PDK1: variants seen among roughly 807,000 people sequenced by gnomAD.
PDK1 encodes pyruvate dehydrogenase kinase 1.
PDK1 carries 39 observed loss-of-function variants against 54.2 expected under a neutral mutation model. The observed-to-expected ratio is 0.72, with a 90% CI of 0.56 to 0.94. The LOEUF (loss-of-function observed/expected upper bound fraction) is 0.94. Among genes scored for constraint, PDK1 ranks in the 40% least tolerant of loss-of-function variants. The pLI is 0.00. For synonymous variants in PDK1, 221 were observed against 207.1 expected (o/e 1.07, Z -0.58); for missense variants, 552 against 566.0 (o/e 0.98, Z 0.25).
chr2:172,556,049 C>G, upstream of PDK1: 5 of 894,200 alleles, frequency 5.6e-6, no homozygotes, highest in Non-Finnish European at 7.6e-6. Flanking sequence ...CCGGTGACAG[C>G]CGATCCCCGC....
chr2:172,589,471 G>A (rs75188224), intron 9 of PDK1, among the ~76,000 whole-genome samples: 6,121 of 152,240 alleles, frequency 0.04, 410 homozygotes, highest in African/African-American at 0.14. Context: ...CCTGCCCAAG[G>A]CAACCTCAGG....
the PDK1 span, among the ~76,000 whole-genome samples, chr2:172,619,400 G>C: frequency 6.6e-6 from 1 of 152,110 alleles, no homozygotes; most frequent in East Asian, 1.9e-4. Flanking sequence ...TGGAGCTGAA[G>C]GGAAGCAGAG....
the PDK1 span, among the ~76,000 whole-genome samples, chr2:172,623,939 G>C: frequency 2.5e-3 from 374 of 152,280 alleles, 1 homozygote; most frequent in Non-Finnish European, 4.4e-3. Flanking sequence ...TTTGATGGGA[G>C]ATTAAAACTT....
At chr2:172,630,834 T>G in the PDK1 span, among the ~76,000 whole-genome samples, 3 of 152,192 alleles carry the variant, frequency 2.0e-5, no homozygotes, top group African/African-American at 4.8e-5. Context: ...TTTGCCATGT[T>G]GGCCAGGCTG....
intron 8 of PDK1, among the ~76,000 whole-genome samples, chr2:172,577,731 C>A (rs1189887287): frequency 6.6e-6 from 1 of 152,126 alleles, no homozygotes; most frequent in Non-Finnish European, 1.5e-5. Flanking sequence ...CCCCTCCCCA[C>A]CCATCCTTTG....
At position 172,600,898 on chromosome 2, in the gene PDK1, T is replaced by TG. The variant is rs910822890; in HGVS notation, c.*4930dup. 3 of 152,176 alleles carry TG rather than the reference T, an allele frequency of 2.0e-5. No homozygotes were observed. Among genetic ancestry groups the TG allele is most frequent in the Non-Finnish European group, 4.4e-5 (3 of 68,042 alleles). 9.4% of individuals were successfully genotyped at this position (152,176 alleles called of 1,614,324 possible). A position where few individuals can be genotyped will look rare whatever the true frequency, so the allele number is the denominator to read the frequency against. ...TTTCTCTGTCTGTTCCCATACATCT[T>TG]GCAGCTGCAGGCATCCCCCCGGTCT... On this transcript the variant is annotated 3_prime_UTR_variant, in exon 11 of 11. Transcript: ENST00000282077.
chr2:172,681,459 T>A, the PDK1 span, among the ~76,000 whole-genome samples: 7 of 152,354 alleles, frequency 4.6e-5, no homozygotes, highest in East Asian at 1.3e-3. Context: ...TTCCTAACCA[T>A]GAGATAGAAA....
At position 172,599,742 on chromosome 2, in the gene PDK1, C is replaced by T. The variant is rs1691049968; in HGVS notation, c.*3773C>T. 2 of 152,122 alleles carry T rather than the reference C, an allele frequency of 1.3e-5. No individual in the cohort carries two copies. Among genetic ancestry groups the T allele is most frequent in the South Asian group, 4.1e-4 (2 of 4,834 alleles). 9.4% of individuals were successfully genotyped at this position (152,122 alleles called of 1,614,324 possible). ...AAAAGAATTGAACATATGTACCACC[C>T]CCCTCTTTCTAGAGTCTCCACAGTT... On this transcript the variant is annotated 3_prime_UTR_variant, in exon 11 of 11. Transcript: ENST00000282077.
chr2:172,685,042 T>A, the PDK1 span, among the ~76,000 whole-genome samples: 3 of 152,176 alleles, frequency 2.0e-5, no homozygotes, highest in Non-Finnish European at 4.4e-5. Context: ...CTTCTCTCTC[T>A]CCTGCCACAT....
At chr2:172,589,298 A>C (rs980972067) in intron 9 of PDK1, among the ~76,000 whole-genome samples, 1 of 152,234 alleles carries the variant, frequency 6.6e-6, no homozygotes, top group Non-Finnish European at 1.5e-5. Flanking sequence ...TTTTACAAAG[A>C]AACTAATTAC....
chr2:172,566,745 T>G (rs1030154890), intron 5 of PDK1, 111 bp from the exon 6 acceptor site: 25 of 560,544 alleles, frequency 4.5e-5, no homozygotes, highest in Non-Finnish European at 7.1e-5. Context: ...AAGTATATTT[T>G]CTTCTGTAGA....
At chr2:172,568,646 G>A in intron 6 of PDK1, 95 bp from the exon 7 acceptor site, 1 of 783,146 alleles carries the variant, frequency 1.3e-6, no homozygotes, top group Non-Finnish European at 2.3e-6. Context: ...GTCCTCCGTA[G>A]TTAATGTTTT....
At chr2:172,673,725 T>G in the PDK1 span, among the ~76,000 whole-genome samples, 1 of 152,194 alleles carries the variant, frequency 6.6e-6, no homozygotes, top group Non-Finnish European at 1.5e-5. Context: ...GACATATTGA[T>G]AAAAGGCCAA....
At chr2:172,580,156 G>C (rs1015000463) in intron 8 of PDK1, among the ~76,000 whole-genome samples, 3 of 148,262 alleles carry the variant, frequency 2.0e-5, no homozygotes, top group Admixed American at 6.7e-5. Context: ...TCTCTCGTTT[G>C]TTCATTTTAA....
Position 172,562,284 on chromosome 2 carries a change from A to C in PDK1, c.403A>C (p.Ile135Leu), listed in dbSNP as rs1688694484. 1 of 1,583,702 alleles carries C rather than the reference A, an allele frequency of 6.3e-7. No individual in the cohort carries two copies. The highest frequency in any genetic ancestry group is 8.7e-7 in the Non-Finnish European group (1 of 1,152,748). The change falls in exon 3 of 11, where the codon ATT becomes CTT. Residue 135 changes from isoleucine to leucine, a missense_variant. Coordinates refer to ENST00000282077, the MANE Select transcript of PDK1 (RefSeq NM_002610.5). ...KDKSAEDAKA[I>L]YDFTDTVIRI... ...CAAAAGTGCTGAGGATGCTAAAGCT[A>C]TTTATGAGTAAGTTCACTATTTTGA...
chr2:172,619,436 T>C, the PDK1 span, among the ~76,000 whole-genome samples: 2 of 151,574 alleles, frequency 1.3e-5, no homozygotes, highest in African/African-American at 4.9e-5. Flanking sequence ...ACACTGCCCG[T>C]AACTCATTTT....
chr2:172,693,307 A>G, the PDK1 span, among the ~76,000 whole-genome samples: 14 of 152,380 alleles, frequency 9.2e-5, no homozygotes, highest in South Asian at 2.9e-3. Context: ...AGCTCCGTGC[A>G]GAAAAGTCCA....
Position 172,602,683 on chromosome 2 carries a change from G to A in PDK1, c.*6714G>A, listed in dbSNP as rs1442765668. ...CTTTCTAACTCTGACCTAATATTTT[G>A]GAGCATAGAGGAAAGAAACATCTTA... On this transcript the variant is annotated 3_prime_UTR_variant, in exon 11 of 11. Transcript: ENST00000282077. 1 of 152,172 alleles carries A rather than the reference G, an allele frequency of 6.6e-6. No individual in the cohort carries two copies. Among genetic ancestry groups the A allele is most frequent in the Non-Finnish European group, 1.5e-5 (1 of 68,036 alleles). The allele number at this position is 152,172 out of a possible 1,614,324, so 9.4% of individuals were successfully genotyped here. A position where few individuals can be genotyped will look rare whatever the true frequency, so the allele number is the denominator to read the frequency against.
At chr2:172,702,039 T>A in the PDK1 span, among the ~76,000 whole-genome samples, 4 of 152,198 alleles carry the variant, frequency 2.6e-5, no homozygotes, top group African/African-American at 9.7e-5. Flanking sequence ...GATTTACATG[T>A]GCTTAAGGTC....
Sources: allele counts gnomAD v4.1 joint callset (sites outside exome capture counted in the v4.1 genomes callset), GRCh38; gene constraint gnomAD v4.1.1; transcripts MANE v1.5; gene names NCBI Gene and HGNC (gene_info 2026-07-23, HGNC 2026-07-21).